KCNIP4: variants seen among roughly 807,000 people sequenced by gnomAD.
The protein encoded by KCNIP4 is Kv channel-interacting protein 4.
Under a neutral mutation model 34.0 loss-of-function variants are expected in KCNIP4, and 12 were observed. That is an observed-to-expected ratio of 0.35 (90% CI 0.23 to 0.57). The LOEUF is 0.57. Among genes scored for constraint, KCNIP4 ranks in the 20% least tolerant of loss-of-function variants. The probability of loss-of-function intolerance (pLI) is 0.83; values close to 1 mark genes in which losing one functional copy is unlikely to be tolerated. For synonymous variants in KCNIP4, 124 were observed against 102.2 expected, an observed-to-expected ratio of 1.21 and a Z score of -1.29; for missense variants, 238 against 311.7, an observed-to-expected ratio of 0.76 and a Z score of 1.78.
intron 1 of KCNIP4, among the ~76,000 whole-genome samples, chr4:21,619,182 C>T (rs1305405792): frequency 6.6e-6 from 1 of 152,124 alleles, no homozygotes; most frequent in Non-Finnish European, 1.5e-5. Context: ...TCGTTCAGAA[C>T]TATTTTCACT....
chr4:21,718,029 CA>C (rs1714520308), intron 1 of KCNIP4, among the ~76,000 whole-genome samples: 1 of 152,050 alleles, frequency 6.6e-6, no homozygotes, highest in Non-Finnish European at 1.5e-5. Flanking sequence ...AGCAATTTAA[CA>C]AAGGGGCAAA....
At chr4:20,865,360 T>C (rs1001431912) in intron 2 of KCNIP4, among the ~76,000 whole-genome samples, 5 of 152,154 alleles carry the variant, frequency 3.3e-5, no homozygotes, top group Admixed American at 2.6e-4. Flanking sequence ...GAAAATGTTT[T>C]ATTCTGCTTA....
chr4:20,809,165 C>G (rs182448182), intron 3 of KCNIP4, among the ~76,000 whole-genome samples: 15 of 152,272 alleles, frequency 9.9e-5, no homozygotes. Flanking sequence ...TGCCTAATTT[C>G]TCCAGTGTCA....
chr4:21,692,256 C>G (rs1711743276), intron 1 of KCNIP4, among the ~76,000 whole-genome samples: 3 of 152,142 alleles, frequency 2.0e-5, no homozygotes, highest in African/African-American at 7.2e-5. Flanking sequence ...AAAACATTAA[C>G]ATGCAAATTT....
chr4:21,704,031 A>G (rs1385188742), intron 1 of KCNIP4, among the ~76,000 whole-genome samples: 1 of 152,154 alleles, frequency 6.6e-6, no homozygotes, highest in Non-Finnish European at 1.5e-5. Context: ...CCACACAATT[A>G]TGCACACCTA....
chr4:21,273,858 C>A (rs142459274), intron 1 of KCNIP4, among the ~76,000 whole-genome samples: 1 of 152,118 alleles, frequency 6.6e-6, no homozygotes, highest in Admixed American at 6.5e-5. Flanking sequence ...TATGCATGCA[C>A]GTGTGTATGT....
At chr4:21,203,446 T>C (rs1232927846) in intron 1 of KCNIP4, among the ~76,000 whole-genome samples, 2 of 152,210 alleles carry the variant, frequency 1.3e-5, no homozygotes, top group Admixed American at 1.3e-4. Context: ...TTATTCGTAA[T>C]CTACAAGGCA....
intron 1 of KCNIP4, among the ~76,000 whole-genome samples, chr4:21,245,350 G>T (rs888817117): frequency 6.6e-6 from 1 of 152,142 alleles, no homozygotes; most frequent in Non-Finnish European, 1.5e-5. Context: ...ACACTTAGAA[G>T]AATTTTACTT....
intron 1 of KCNIP4, among the ~76,000 whole-genome samples, chr4:20,976,210 C>G (rs1053676246): frequency 6.6e-6 from 1 of 152,124 alleles, no homozygotes; most frequent in African/African-American, 2.4e-5. Flanking sequence ...AGTAAGAACC[C>G]ATTAGAAATG....
intron 1 of KCNIP4, among the ~76,000 whole-genome samples, chr4:21,766,276 C>A (rs1053957128): frequency 1.3e-5 from 2 of 152,138 alleles, no homozygotes; most frequent in Non-Finnish European, 2.9e-5. Context: ...TTGGCGTATA[C>A]CGATCTCATT....
At chr4:21,944,771 C>G (rs114257533) in intron 1 of KCNIP4, among the ~76,000 whole-genome samples, 3,236 of 152,230 alleles carry the variant, frequency 0.021, 90 homozygotes, top group African/African-American at 0.057. Context: ...TGTTGGTAAA[C>G]AGCATGAAAC....
intron 8 of KCNIP4, chr4:20,731,687 T>G (rs2114473): frequency 0.31 from 308,818 of 983,874 alleles, 49,223 homozygotes; most frequent in African/African-American, 0.44. Flanking sequence ...TGCTAAGTTT[T>G]GGCAAAGAGC....
At chr4:21,857,451 G>A (rs1011777565) in intron 1 of KCNIP4, among the ~76,000 whole-genome samples, 4 of 152,050 alleles carry the variant, frequency 2.6e-5, no homozygotes, top group African/African-American at 7.2e-5. Context: ...TCTGCTGAGA[G>A]CTGAGAAGAT....
chr4:21,372,072 T>C (rs1175278885), intron 1 of KCNIP4, among the ~76,000 whole-genome samples: 1 of 147,348 alleles, frequency 6.8e-6, no homozygotes, highest in Non-Finnish European at 1.5e-5. Context: ...GAAGAATGTT[T>C]GATTAATGAT....
At chr4:21,759,320 A>T (rs1185254587) in intron 1 of KCNIP4, among the ~76,000 whole-genome samples, 3 of 152,182 alleles carry the variant, frequency 2.0e-5, no homozygotes, top group Non-Finnish European at 4.4e-5. Flanking sequence ...CATTTCTTAA[A>T]ATTGAGTTCA....
At chr4:21,871,599 A>G (rs894276575) in intron 1 of KCNIP4, among the ~76,000 whole-genome samples, 4 of 152,090 alleles carry the variant, frequency 2.6e-5, no homozygotes, top group African/African-American at 9.7e-5. Flanking sequence ...CAAAGAGCCC[A>G]GTTTTAGCAA....
chr4:20,919,450 T>C (rs531981512), intron 1 of KCNIP4, among the ~76,000 whole-genome samples: 1 of 151,394 alleles, frequency 6.6e-6, no homozygotes, highest in African/African-American at 2.4e-5. Context: ...ATGCCTGTAA[T>C]CCCAGCACTT....
At chr4:20,844,615 C>T (rs1308066602) in intron 3 of KCNIP4, among the ~76,000 whole-genome samples, 3 of 152,182 alleles carry the variant, frequency 2.0e-5, no homozygotes, top group African/African-American at 7.2e-5. Context: ...ATTCCTCTGT[C>T]CTAATCACTG....
chr4:20,799,742 T>C (rs1489271454), intron 3 of KCNIP4, among the ~76,000 whole-genome samples: 4 of 152,168 alleles, frequency 2.6e-5, no homozygotes, highest in African/African-American at 9.7e-5. Context: ...CTATGTGCTA[T>C]CTCATCCCTC....
Sources: allele counts gnomAD v4.1 joint callset (sites outside exome capture counted in the v4.1 genomes callset), GRCh38; gene constraint gnomAD v4.1.1; transcripts MANE v1.5; gene names NCBI Gene and HGNC (gene_info 2026-07-23, HGNC 2026-07-21).